The following CPS1 variants were observed in gnomAD, a reference collection of about 807,000 sequenced individuals.
CPS1 encodes carbamoyl-phosphate synthase 1, also known as carbamoyl-phosphate synthase [ammonia], mitochondrial.
Under a neutral mutation model 174.6 loss-of-function variants are expected in CPS1, and 109 were observed. That is an observed-to-expected ratio of 0.62 (90% CI 0.53 to 0.73). The LOEUF (loss-of-function observed/expected upper bound fraction) is 0.73. Ranked by LOEUF, CPS1 falls within the 30% of genes least tolerant of loss-of-function variation. The pLI is 0.00. For missense variants in CPS1, 1,689 were observed against 1,821.9 expected (o/e 0.93, Z 1.33); for synonymous variants, 637 against 632.0 (o/e 1.01, Z -0.12).
At chr2:210,597,660 G>C (rs1240174990) in intron 13 of CPS1, among the ~76,000 whole-genome samples, 1 of 151,740 alleles carries the variant, frequency 6.6e-6, no homozygotes, top group African/African-American at 2.4e-5. Context: ...ACATGCTAAT[G>C]TATGAAATAA....
At chr2:210,578,234 C>G (rs571314842) in intron 4 of CPS1, among the ~76,000 whole-genome samples, 1 of 152,070 alleles carries the variant, frequency 6.6e-6, no homozygotes, top group East Asian at 1.9e-4. Flanking sequence ...TCAGCCTCCC[C>G]AGTAGCTGGG....
chr2:210,662,907 A>G (rs1222499455), intron 32 of CPS1, among the ~76,000 whole-genome samples: 1 of 152,202 alleles, frequency 6.6e-6, no homozygotes, highest in East Asian at 1.9e-4. Flanking sequence ...TGATTATTTA[A>G]CCTAAAGTTT....
intron 1 of CPS1, among the ~76,000 whole-genome samples, chr2:210,538,798 G>A (rs16844589): frequency 0.031 from 4,634 of 151,604 alleles, 223 homozygotes; most frequent in African/African-American, 0.1. Context: ...ATATTTTATC[G>A]AGTTTCAGTA....
chr2:210,649,815 A>T (rs1447889616), intron 27 of CPS1, among the ~76,000 whole-genome samples: 1 of 152,216 alleles, frequency 6.6e-6, no homozygotes, highest in African/African-American at 2.4e-5. Context: ...CAAGCATTTA[A>T]AAAGAAAGGA....
At chr2:210,601,941 T>C (rs1216602328) in intron 15 of CPS1, among the ~76,000 whole-genome samples, 1 of 151,914 alleles carries the variant, frequency 6.6e-6, no homozygotes, top group Non-Finnish European at 1.5e-5. Context: ...CATGGTTCTG[T>C]TTCAATAGGA....
Position 210,517,397 on chromosome 2 carries a change from A to G in CPS1, c.4-39322A>G, listed in dbSNP as rs557783240. ...GTAAAGTAAAGGTTTCTATTTGTCG[A>G]TGATAAGACAAGTAGACTAAGATCA... On this transcript the variant is annotated intron_variant, in intron 1 of 38. Transcript: ENST00000430249. Among the ~76,000 whole-genome samples, 9 of 152,158 alleles carry G rather than the reference A, an allele frequency of 5.9e-5. No homozygotes were observed. In the South Asian group the frequency reaches 1.9e-3, roughly 32 times the overall value.
At chr2:210,554,426 C>T (rs1168325369), upstream of CPS1, among the ~76,000 whole-genome samples, 1 of 151,622 alleles carries the variant, frequency 6.6e-6, no homozygotes, top group Non-Finnish European at 1.5e-5. Flanking sequence ...GTTGACATTT[C>T]TATGGAAAAA....
intron 21 of CPS1, among the ~76,000 whole-genome samples, chr2:210,631,540 T>C (rs762022826): frequency 3.4e-4 from 52 of 152,206 alleles, no homozygotes; most frequent in Non-Finnish European, 6.0e-4. Flanking sequence ...TGGCAGAGTG[T>C]GTAAAAGTCT....
Position 210,548,675 on chromosome 2 carries a change from T to A in CPS1, c.4-8044T>A, listed in dbSNP as rs764221794. Among the ~76,000 whole-genome samples, 183 of 152,098 alleles carry A rather than the reference T, an allele frequency of 1.2e-3. 3 individuals carry two copies. The highest frequency in any genetic ancestry group is 1.7e-3 in the Non-Finnish European group (113 of 67,970). ...TTCTTCCTCCCCTTCTTCATCTCCT[T>A]CTTGTTCTTCTTTTTTTTCCCCTCT... is the stretch of plus-strand genomic sequence containing the variant. On this transcript the variant is annotated intron_variant, in intron 1 of 38. Coordinates refer to the CPS1 transcript ENST00000430249.
chr2:210,611,790 T>C (rs184656132), intron 19 of CPS1, among the ~76,000 whole-genome samples: 9 of 151,892 alleles, frequency 5.9e-5, no homozygotes, highest in Admixed American at 5.9e-4. Context: ...TAAGAAAAGG[T>C]CTCTATGCTT....
intron 21 of CPS1, among the ~76,000 whole-genome samples, chr2:210,624,040 TATAAC>T (rs1699620623): frequency 6.6e-6 from 1 of 152,136 alleles, no homozygotes; most frequent in Non-Finnish European, 1.5e-5. Flanking sequence ...AGAAAGATAA[TATAAC>T]ATATAATCAC....
At chr2:210,597,087 A>G (rs1056024579) in intron 13 of CPS1, among the ~76,000 whole-genome samples, 1 of 151,958 alleles carries the variant, frequency 6.6e-6, no homozygotes. Context: ...AAAAATCGCC[A>G]TATTCATTGT....
chr2:210,649,227 G>C (rs926103887), intron 27 of CPS1, among the ~76,000 whole-genome samples: 1 of 152,138 alleles, frequency 6.6e-6, no homozygotes, highest in African/African-American at 2.4e-5. Flanking sequence ...AAACGAGGTG[G>C]AAATCTTTTT....
chr2:210,498,311 T>C (rs1274088302), intron 1 of CPS1, among the ~76,000 whole-genome samples: 1 of 152,146 alleles, frequency 6.6e-6, no homozygotes, highest in Non-Finnish European at 1.5e-5. Context: ...GTTTGTGTCA[T>C]CTATTATTTC....
intron 25 of CPS1, among the ~76,000 whole-genome samples, chr2:210,644,535 T>C (rs1260160844): frequency 6.6e-6 from 1 of 152,148 alleles, no homozygotes; most frequent in African/African-American, 2.4e-5. Flanking sequence ...ATCCTTCTCA[T>C]TGGCAGGTGT....
chr2:210,505,658 A>T (rs1398778771), intron 1 of CPS1, among the ~76,000 whole-genome samples: 1 of 152,160 alleles, frequency 6.6e-6, no homozygotes, highest in Non-Finnish European at 1.5e-5. Flanking sequence ...GGGGTGACAG[A>T]GGGCACCTGG....
intron 1 of CPS1, among the ~76,000 whole-genome samples, chr2:210,564,609 C>T (rs1358485739): frequency 9.2e-5 from 14 of 152,162 alleles, no homozygotes; most frequent in Admixed American, 7.8e-4. Flanking sequence ...ATCTCCTGAC[C>T]TTGTGATCCG....
At chr2:210,606,622 CA>C in intron 17 of CPS1, 108 bp from the exon 18 acceptor site, 1 of 1,026,780 alleles carries the variant, frequency 9.7e-7, no homozygotes, top group Non-Finnish European at 1.5e-6. Flanking sequence ...TATATCCCAA[CA>C]AACCCTCAGA....
At chr2:210,594,891 A>T (rs1368839220) in intron 12 of CPS1, among the ~76,000 whole-genome samples, 2 of 151,922 alleles carry the variant, frequency 1.3e-5, no homozygotes, top group African/African-American at 4.8e-5. Context: ...TTTATTTCCC[A>T]TTATCCAAAA....
Sources: gnomAD v4.1 joint callset for allele counts (sites outside exome capture counted in the v4.1 genomes callset) on GRCh38, gnomAD v4.1.1 for gene constraint, MANE v1.5 for transcripts, NCBI Gene and HGNC (gene_info 2026-07-23, HGNC 2026-07-21) for gene names.